The following PACS1 variants were observed in gnomAD, a reference collection of about 807,000 sequenced individuals.
PACS1 encodes the protein phosphofurin acidic cluster sorting protein 1.
In PACS1, 24 loss-of-function variants were observed where a neutral mutation model predicts 115.0. That is an observed-to-expected ratio of 0.21 (90% CI 0.15 to 0.29). PACS1 has a LOEUF of 0.29. Ranked by LOEUF, PACS1 falls within the 10% of genes least tolerant of loss-of-function variation. The pLI is 1.00. For synonymous variants in PACS1, 453 were observed against 504.5 expected (o/e 0.90, Z 1.37); for missense variants, 838 against 1,251.2 (o/e 0.67, Z 4.98).
At chr11:66,145,291 A>C (rs181022311) in intron 1 of PACS1, among the ~76,000 whole-genome samples, 1 of 152,178 alleles carries the variant, frequency 6.6e-6, no homozygotes, top group East Asian at 1.9e-4. Context: ...TTGGTGTGGT[A>C]ATTCTGTTAG....
chr11:66,079,801 C>T (rs1490326828), intron 1 of PACS1, among the ~76,000 whole-genome samples: 1 of 152,230 alleles, frequency 6.6e-6, no homozygotes, highest in Non-Finnish European at 1.5e-5. Flanking sequence ...TTTCATGGTT[C>T]AGGAGATGCT....
intron 1 of PACS1, among the ~76,000 whole-genome samples, chr11:66,077,303 C>T (rs1475856399): frequency 6.6e-6 from 1 of 152,226 alleles, no homozygotes; most frequent in South Asian, 2.1e-4. Flanking sequence ...TGGCTCATGC[C>T]TATCATCCCA....
At chr11:66,177,981 G>A (rs1859911513) in intron 1 of PACS1, among the ~76,000 whole-genome samples, 1 of 149,018 alleles carries the variant, frequency 6.7e-6, no homozygotes, top group Non-Finnish European at 1.5e-5. Flanking sequence ...GCATCCAGGT[G>A]TCTAGGTTCC....
intron 2 of PACS1, among the ~76,000 whole-genome samples, chr11:66,208,464 A>T (rs1334231822): frequency 6.6e-6 from 1 of 152,184 alleles, no homozygotes; most frequent in Admixed American, 6.5e-5. Context: ...CAAATAAAAA[A>T]TAAAAACGGT....
chr11:66,152,729 C>G (rs1003904335), intron 1 of PACS1, among the ~76,000 whole-genome samples: 5 of 152,114 alleles, frequency 3.3e-5, no homozygotes, highest in African/African-American at 1.2e-4. Context: ...TCTGAACTTG[C>G]ATGGGGAGGG....
Position 66,238,694 on chromosome 11 carries a change from A to G in PACS1, c.2251-110A>G, listed in dbSNP as rs556143451. 2.6e-5 allele frequency: 27 copies of G among 1,034,536 alleles called. No individual in the cohort carries two copies. In the South Asian group the frequency reaches 3.7e-4, roughly 14 times the overall value. The allele number at this position is 1,034,536 out of a possible 1,614,324, so 64.1% of individuals were successfully genotyped here. A position where few individuals can be genotyped will look rare whatever the true frequency, so the allele number is the denominator to read the frequency against. On this transcript the variant is annotated intron_variant, in intron 19 of 23. Transcript: ENST00000320580. ...ATTTGCAAAGATTTTAAAGTCGGCA[A>G]TAAAATAATGTGTAGTGATGGCTCT...
chr11:66,133,767 AG>A (rs1465863763), intron 1 of PACS1, among the ~76,000 whole-genome samples: 2 of 152,128 alleles, frequency 1.3e-5, no homozygotes, highest in African/African-American at 4.8e-5. Flanking sequence ...AACCCCCCAA[AG>A]TGCTGGGATT....
chr11:66,215,732 A>G (rs1044639385), intron 4 of PACS1, among the ~76,000 whole-genome samples: 1 of 151,772 alleles, frequency 6.6e-6, no homozygotes, highest in African/African-American at 2.4e-5. Context: ...CCCTGTCTCT[A>G]CTAAAAATGC....
At chr11:66,110,064 C>T (rs1858151303) in intron 1 of PACS1, among the ~76,000 whole-genome samples, 1 of 152,122 alleles carries the variant, frequency 6.6e-6, no homozygotes. Context: ...TTAAGTTTGT[C>T]TTGGTTGCCA....
Position 66,239,191 on chromosome 11 carries a change from A to C in PACS1, c.2343A>C (p.Ser781=), listed in dbSNP as rs763213404. 2 of 1,613,868 alleles carry C rather than the reference A, an allele frequency of 1.2e-6. No homozygotes were observed. Among genetic ancestry groups the C allele is most frequent in the Non-Finnish European group, 8.5e-7 (1 of 1,179,966 alleles). Residue 781 remains serine, a synonymous_variant, in exon 21 of 24, where the codon TCA becomes TCC. Coordinates refer to ENST00000320580, the MANE Select transcript of PACS1 (RefSeq NM_018026.4). Reference sequence around the variant, plus strand: ...TCAGCCTTACTGTGCCCTCCACATCACCACCCTCCAGCTCGGGCCTGAGCC... The same window carrying C: ...TCAGCCTTACTGTGCCCTCCACATCCCCACCCTCCAGCTCGGGCCTGAGCC... The part of the protein sequence containing the change: ...PVVSLTVPST[S]PPSSSGLSRD...
rs780777021 is a variant in PACS1 at position 66,070,822 on chromosome 11, C to T, written c.336C>T (p.Ser112=). 1.3e-6 allele frequency: 2 copies of T among 1,496,092 alleles called. No homozygotes were observed. Among genetic ancestry groups the T allele is most frequent in the East Asian group, 2.9e-5 (1 of 35,050 alleles). 92.7% of individuals were successfully genotyped at this position (1,496,092 alleles called of 1,614,324 possible). A position where few individuals can be genotyped will look rare whatever the true frequency, so the allele number is the denominator to read the frequency against. ...NLYATWEVDR[S]SSSCVPRLFS... is the part of the protein sequence containing the mutation. ...ACGCCACCTGGGAGGTGGACCGGAGCTCGTCCAGCTGCGTGCCTAGGTGAG... is the reference window on the plus strand; with the variant it reads ...ACGCCACCTGGGAGGTGGACCGGAGTTCGTCCAGCTGCGTGCCTAGGTGAG... Residue 112 remains serine (S), a synonymous_variant, in exon 1 of 24, where the codon AGC becomes AGT. Transcript: ENST00000320580. This position sits in a 1 kb window ranked among gnomAD's most constrained non-coding sequence, Gnocchi z 5.9.
chr11:66,241,167 T>C, intron 21 of PACS1: 1 of 459,588 alleles, frequency 2.2e-6, no homozygotes, highest in Non-Finnish European at 4.0e-6. Flanking sequence ...AAAGCTTCCT[T>C]CTCTGCTGCC....
chr11:66,242,836 G>GC, intron 22 of PACS1, 76 bp from the exon 23 acceptor site: 1 of 1,596,104 alleles, frequency 6.3e-7, no homozygotes, highest in Non-Finnish European at 8.6e-7. Flanking sequence ...AGGAAGAAGG[G>GC]GACAGTCGGC....
At chr11:66,210,824 C>A (rs549628627) in intron 3 of PACS1, among the ~76,000 whole-genome samples, 9 of 152,342 alleles carry the variant, frequency 5.9e-5, no homozygotes, top group Non-Finnish European at 1.2e-4. Flanking sequence ...CCCTCCTAGT[C>A]GGTGTCCCTC....
intron 1 of PACS1, among the ~76,000 whole-genome samples, chr11:66,154,851 A>G (rs1342361935): frequency 6.6e-6 from 1 of 152,198 alleles, no homozygotes; most frequent in East Asian, 1.9e-4. Context: ...TGTGTATGGA[A>G]TGCAAAGTAC....
intron 1 of PACS1, among the ~76,000 whole-genome samples, chr11:66,097,854 C>T (rs7935336): frequency 0.21 from 31,712 of 152,066 alleles, 3,404 homozygotes; most frequent in Middle Eastern, 0.29. Context: ...CCTTCTTTTG[C>T]GAAGTATCTG....
rs149787979 is a variant in PACS1, at chr11:66,232,839, G to C, written c.1732-121G>C. 8.1e-5 allele frequency: 60 copies of C among 740,218 alleles called. No homozygotes were observed. The East Asian group carries it at 1.5e-3, about 19-fold the overall frequency. 45.9% of individuals were successfully genotyped at this position (740,218 alleles called of 1,614,324 possible). ...GACCTGGCTGCCTTTGCCCAGCTTC[G>C]GTCTGAACTGCAGAGGACAGGGGCC... On this transcript the variant is annotated intron_variant, in intron 14 of 23. Coordinates refer to ENST00000320580, the MANE Select transcript of PACS1 (RefSeq NM_018026.4).
chr11:66,112,588 C>G (rs764208707), intron 1 of PACS1, among the ~76,000 whole-genome samples: 1 of 152,202 alleles, frequency 6.6e-6, no homozygotes, highest in Non-Finnish European at 1.5e-5. Flanking sequence ...ATATCTGTCT[C>G]GTTCATGACT....
At chr11:66,163,070 C>T (rs1017369812) in intron 1 of PACS1, among the ~76,000 whole-genome samples, 34 of 152,032 alleles carry the variant, frequency 2.2e-4, no homozygotes, top group African/African-American at 7.2e-4. Context: ...TACTGGTGGC[C>T]GGGTGTGGTG....
Sources: allele counts gnomAD v4.1 joint callset (sites outside exome capture counted in the v4.1 genomes callset), GRCh38; gene constraint gnomAD v4.1.1; non-coding constraint Gnocchi (gnomAD v3.1); transcripts MANE v1.5; gene names NCBI Gene and HGNC (gene_info 2026-07-23, HGNC 2026-07-21).